The following PITPNM2 variants were observed in gnomAD, a reference collection of about 807,000 sequenced individuals.
PITPNM2 encodes phosphatidylinositol transfer protein membrane associated 2.
In PITPNM2, 35 loss-of-function variants were observed where a neutral mutation model predicts 132.2. That is an observed-to-expected ratio of 0.26 (90% CI 0.20 to 0.35). The LOEUF (loss-of-function observed/expected upper bound fraction) is 0.35, where lower values mean the gene tolerates loss of function less well. PITPNM2 is among the 10% of genes least tolerant of loss of function. PITPNM2 has a pLI of 1.00. For synonymous variants in PITPNM2, 738 were observed against 799.2 expected (o/e 0.92, Z 1.29); for missense variants, 1,332 against 1,912.0 (o/e 0.70, Z 5.66).
rs1017477366 is a variant in PITPNM2, at chr12:123,150,604, C to G, written c.-200+149G>C. On this transcript the variant is annotated intron_variant, in intron 1 of 25. Coordinates refer to ENST00000320201, the MANE Select transcript of PITPNM2 (RefSeq NM_020845.3). The surrounding 1 kb of genome is among the most constrained non-coding windows in gnomAD (Gnocchi z 6.0). ...CTCCCTGCCCGGGTCTCCGCTCCCTCCTCCAGCCCCCGGCGGGCTGGAGGC... is the reference window on the plus strand; with the variant it reads ...CTCCCTGCCCGGGTCTCCGCTCCCTGCTCCAGCCCCCGGCGGGCTGGAGGC... Among the ~76,000 whole-genome samples, 18 of 151,890 alleles carry G rather than the reference C, an allele frequency of 1.2e-4. No homozygotes were observed. The highest frequency in any genetic ancestry group is 4.3e-4 in the African/African-American group (18 of 41,522).
At chr12:123,070,724 G>A (rs1361000062) in intron 2 of PITPNM2, among the ~76,000 whole-genome samples, 3 of 152,326 alleles carry the variant, frequency 2.0e-5, no homozygotes. Flanking sequence ...GAGGAGCTGG[G>A]GAGCTTAGGC....
At chr12:123,018,300 T>TTC (rs1223729607) in intron 3 of PITPNM2, among the ~76,000 whole-genome samples, 7 of 38,168 alleles carry the variant, frequency 1.8e-4, no homozygotes, top group African/African-American at 2.5e-4. Flanking sequence ...TTTCTTTTTT[T>TTC]TTTTTTTTTT....
Position 123,095,714 on chromosome 12 carries a change from G to A in PITPNM2, c.-96+14671C>T, listed in dbSNP as rs2042392141. Among the ~76,000 whole-genome samples, 1 of 152,284 alleles carries A rather than the reference G, an allele frequency of 6.6e-6. No homozygotes were observed. The highest frequency in any genetic ancestry group is 2.4e-5 in the African/African-American group (1 of 41,560). On this transcript the variant is annotated intron_variant, in intron 2 of 25. Transcript: ENST00000320201. The surrounding 1 kb of genome is among the most constrained non-coding windows in gnomAD (Gnocchi z 5.0). Reference sequence around the variant, plus strand: ...GCCCCAGCCAGACTCTCACAGACAGGAGCCCATGGGGCTCCTCCTGCCTCG... The same window carrying A: ...GCCCCAGCCAGACTCTCACAGACAGAAGCCCATGGGGCTCCTCCTGCCTCG...
rs1206520583 is a variant in PITPNM2, at chr12:123,023,076, G to GA, written c.79-9035dup. ...CTGACATGGAATTTATTGCACAGCT[G>GA]AATGAGGTAGGCAGTTCGAAGCACA... On this transcript the variant is annotated intron_variant, in intron 3 of 25. Coordinates refer to ENST00000320201, the MANE Select transcript of PITPNM2 (RefSeq NM_020845.3). The surrounding 1 kb of genome is among the most constrained non-coding windows in gnomAD (Gnocchi z 4.8). Among the ~76,000 whole-genome samples the GA allele has an allele frequency of 6.6e-6, 1 of 152,276 alleles. No individual in the cohort carries two copies. The highest frequency in any genetic ancestry group is 1.5e-5 in the Non-Finnish European group (1 of 68,050).
At chr12:123,012,949 G>A (rs545081710) in intron 4 of PITPNM2, among the ~76,000 whole-genome samples, 1 of 152,326 alleles carries the variant, frequency 6.6e-6, no homozygotes, top group Admixed American at 6.5e-5. Flanking sequence ...TTTAGGGGGA[G>A]CAGAAGACAG....
At position 122,992,796 on chromosome 12, in the gene PITPNM2, C is replaced by G; in HGVS notation, c.2234-127G>C. The G allele has an allele frequency of 1.5e-6, 1 of 679,402 alleles. No individual in the cohort carries two copies. Among genetic ancestry groups the G allele is most frequent in the East Asian group, 3.0e-5 (1 of 33,114 alleles). 42.1% of individuals were successfully genotyped at this position (679,402 alleles called of 1,614,324 possible). A position where few individuals can be genotyped will look rare whatever the true frequency, so the allele number is the denominator to read the frequency against. On this transcript the variant is annotated intron_variant, in intron 15 of 25. Transcript: ENST00000320201. The surrounding 1 kb of genome is among the most constrained non-coding windows in gnomAD (Gnocchi z 6.5). ...TAGGGATAAGATGGGGGGTGTGTCTCTATCAATTTGGGACCTGTTTGGGTC... is the reference window on the plus strand; with the variant it reads ...TAGGGATAAGATGGGGGGTGTGTCTGTATCAATTTGGGACCTGTTTGGGTC...
At chr12:123,049,447 C>G (rs1312981013) in intron 2 of PITPNM2, among the ~76,000 whole-genome samples, 1 of 152,236 alleles carries the variant, frequency 6.6e-6, no homozygotes, top group South Asian at 2.1e-4. Flanking sequence ...TCGCCACTCT[C>G]CAGCCACATG....
At chr12:123,103,953 G>A (rs1286650308) in intron 2 of PITPNM2, among the ~76,000 whole-genome samples, 3 of 150,854 alleles carry the variant, frequency 2.0e-5, no homozygotes, top group Non-Finnish European at 4.4e-5. Flanking sequence ...CTCTTGTTGC[G>A]CAGGCTGGAG....
chr12:123,045,525 G>A (rs747407418), intron 2 of PITPNM2, among the ~76,000 whole-genome samples: 3 of 152,194 alleles, frequency 2.0e-5, no homozygotes, highest in Non-Finnish European at 2.9e-5. Flanking sequence ...GTGAGCAGGT[G>A]GGCACAACGC....
At chr12:123,087,430 TAG>T (rs2137073044) in intron 2 of PITPNM2, 1 of 152,024 alleles carries the variant, frequency 6.6e-6, no homozygotes, top group South Asian at 2.1e-4. Context: ...ATTTTTTTAG[TAG>T]AGACGGGGTT....
upstream of PITPNM2, among the ~76,000 whole-genome samples, chr12:123,151,275 C>T (rs1351014390): frequency 6.6e-6 from 1 of 151,200 alleles, no homozygotes; most frequent in Non-Finnish European, 1.5e-5. Flanking sequence ...AGACCTGCCG[C>T]GGCGACCCCG....
intron 2 of PITPNM2, among the ~76,000 whole-genome samples, chr12:123,065,246 G>T (rs1332299045): frequency 6.6e-6 from 1 of 152,236 alleles, no homozygotes; most frequent in Non-Finnish European, 1.5e-5. Flanking sequence ...AGGGTGAAGA[G>T]GTCCCCGATG....
At chr12:123,148,521 T>C (rs2043664111) in intron 1 of PITPNM2, among the ~76,000 whole-genome samples, 1 of 152,084 alleles carries the variant, frequency 6.6e-6, no homozygotes, top group Non-Finnish European at 1.5e-5. Context: ...GAAGACCAAG[T>C]TGGAAAGACT....
chr12:123,000,247 G>A lies in PITPNM2; in HGVS notation c.1224+531C>T, dbSNP rs2038600779. On this transcript the variant is annotated intron_variant, in intron 10 of 25. Transcript: ENST00000320201. This position sits in a 1 kb window ranked among gnomAD's most constrained non-coding sequence, Gnocchi z 5.4. ...TGCAAACAGCTCTGACGGCCCGCAG[G>A]TGGAGGAGGATGGGGCATGAACTCC... is the stretch of plus-strand genomic sequence containing the variant. 2 of 606,610 alleles carry A rather than the reference G, an allele frequency of 3.3e-6. No individual in the cohort carries two copies. Among genetic ancestry groups the A allele is most frequent in the Admixed American group, 5.7e-5 (2 of 35,064 alleles). 37.6% of individuals were successfully genotyped at this position (606,610 alleles called of 1,614,324 possible).
intron 1 of PITPNM2, among the ~76,000 whole-genome samples, chr12:123,121,844 C>G (rs1266024853): frequency 6.6e-6 from 1 of 151,330 alleles, no homozygotes; most frequent in South Asian, 2.1e-4. Flanking sequence ...CATGCCCAGC[C>G]CATGTCAACC....
chr12:123,005,608 T>G lies in PITPNM2; in HGVS notation c.644-60A>C, dbSNP rs1430726357. On this transcript the variant is annotated intron_variant, in intron 6 of 25. Transcript: ENST00000320201. This position sits in a 1 kb window ranked among gnomAD's most constrained non-coding sequence, Gnocchi z 6.2. ...GGGGAGGGAGGTCAGCGCAGGAGCC[T>G]GCACGGAAGTGTGGGGCCCAGGCAG... The G allele has an allele frequency of 6.5e-7, 1 of 1,528,798 alleles. No homozygotes were observed. 94.7% of individuals were successfully genotyped at this position (1,528,798 alleles called of 1,614,324 possible).
intron 1 of PITPNM2, among the ~76,000 whole-genome samples, chr12:123,147,085 C>CT (rs1486297006): frequency 3.3e-5 from 5 of 152,194 alleles, no homozygotes; most frequent in Admixed American, 1.3e-4. Flanking sequence ...ATTTTAGACT[C>CT]TAAGTCCTAC....
chr12:123,013,824 G>T lies in PITPNM2; in HGVS notation c.293+4C>A. On this transcript the variant is annotated splice_donor_region_variant and intron_variant, in intron 4 of 25. Transcript: ENST00000320201. ...GAGGCACATGGAGGCCAAAGCAGGC[G>T]CACCTGGTTCGGGTGTAGGGGTAGG... 1 of 1,613,176 alleles carries T rather than the reference G, an allele frequency of 6.2e-7. No individual in the cohort carries two copies. Among genetic ancestry groups the T allele is most frequent in the Non-Finnish European group, 8.5e-7 (1 of 1,179,490 alleles).
intron 2 of PITPNM2, among the ~76,000 whole-genome samples, chr12:123,098,358 G>A (rs1346397909): frequency 6.6e-6 from 1 of 152,106 alleles, no homozygotes; most frequent in Non-Finnish European, 1.5e-5. Flanking sequence ...GATGGAGGGT[G>A]TCAGGGACCA....
Sources: allele counts gnomAD v4.1 joint callset (sites outside exome capture counted in the v4.1 genomes callset), GRCh38; gene constraint gnomAD v4.1.1; non-coding constraint Gnocchi (gnomAD v3.1); transcripts MANE v1.5; gene names NCBI Gene and HGNC (gene_info 2026-07-23, HGNC 2026-07-21).